The following SYTL2 variants were observed in gnomAD, a reference collection of about 807,000 sequenced individuals.
SYTL2 encodes synaptotagmin like 2, also known as synaptotagmin-like protein 2.
SYTL2 carries 165 observed loss-of-function variants against 198.7 expected under a neutral mutation model. The ratio of observed to expected loss-of-function variants is 0.83; its 90% CI spans 0.73 to 0.94. The LOEUF is 0.94. Ranked by LOEUF, SYTL2 falls within the 40% of genes least tolerant of loss-of-function variation. The probability of loss-of-function intolerance (pLI) is 0.00; values close to 1 mark genes in which losing one functional copy is unlikely to be tolerated. For missense variants in SYTL2, 2,835 were observed against 2,582.8 expected, an observed-to-expected ratio of 1.10 and a Z score of -2.12; for synonymous variants, 966 against 917.7, an observed-to-expected ratio of 1.05 and a Z score of -0.95.
At chr11:85,700,311 T>C (rs1185804348) in intron 17 of SYTL2, among the ~76,000 whole-genome samples, 3 of 120,846 alleles carry the variant, frequency 2.5e-5, no homozygotes, top group African/African-American at 1.1e-4. Context: ...GATGGTAGAT[T>C]TTATGTTTTC....
intron 1 of SYTL2, among the ~76,000 whole-genome samples, chr11:85,780,993 G>A (rs2153600703): frequency 6.6e-6 from 1 of 152,262 alleles, no homozygotes; most frequent in South Asian, 2.1e-4. Flanking sequence ...TATGTGTGGG[G>A]AAAACCCCTG....
chr11:85,813,200 C>T (rs1403230458), upstream of SYTL2, among the ~76,000 whole-genome samples: 2 of 152,084 alleles, frequency 1.3e-5, no homozygotes, highest in Non-Finnish European at 2.9e-5. Flanking sequence ...TCTTGTATGG[C>T]TCAGAGACTA....
intron 1 of SYTL2, among the ~76,000 whole-genome samples, chr11:85,759,946 T>C (rs1047876037): frequency 6.6e-6 from 1 of 152,170 alleles, no homozygotes; most frequent in East Asian, 1.9e-4. Flanking sequence ...CTTCATTTCC[T>C]CCCTGTAACA....
At position 85,790,002 on chromosome 11, in the gene SYTL2, T is replaced by C. The variant is rs543026931; in HGVS notation, c.-390+20952A>G. ...GGATTTTTGGATTTTTTTTCAGATT[T>C]TGGAATATTTGCATATATATAAGAT... On this transcript the variant is annotated intron_variant, in intron 1 of 19. Transcript: ENST00000359152. Among the ~76,000 whole-genome samples, 15 of 152,184 alleles carry C rather than the reference T, an allele frequency of 9.9e-5. No homozygotes were observed. The South Asian group carries it at 1.9e-3, about 19-fold the overall frequency.
At chr11:85,822,484 T>C in the SYTL2 span, among the ~76,000 whole-genome samples, 1 of 152,106 alleles carries the variant, frequency 6.6e-6, no homozygotes, top group Non-Finnish European at 1.5e-5. Flanking sequence ...TGTGGTCCTA[T>C]TCCAAATTAG....
the SYTL2 span, among the ~76,000 whole-genome samples, chr11:85,841,688 A>C: frequency 6.6e-6 from 1 of 152,184 alleles, no homozygotes; most frequent in African/African-American, 2.4e-5. Flanking sequence ...GGGTGGGAAG[A>C]GGGAGAGGAT....
chr11:85,775,313 C>T (rs2092433176), intron 1 of SYTL2, among the ~76,000 whole-genome samples: 2 of 152,114 alleles, frequency 1.3e-5, no homozygotes, highest in African/African-American at 4.8e-5. Context: ...CTATTAAGTC[C>T]TAAGACCTGG....
the SYTL2 span, among the ~76,000 whole-genome samples, chr11:85,827,690 C>G: frequency 3.3e-5 from 5 of 152,128 alleles, no homozygotes; most frequent in African/African-American, 1.2e-4. Context: ...AGCACACTTA[C>G]AGGAAGCTTG....
chr11:85,789,354 A>ATATATATATATATATATATATATG (rs1289318219), intron 1 of SYTL2, among the ~76,000 whole-genome samples: 1 of 57,216 alleles, frequency 1.7e-5, no homozygotes. Context: ...ATATATATAT[A>ATATATATATATATATATATATATG]TATATATATA....
At chr11:85,786,311 G>A (rs1263947109) in intron 1 of SYTL2, among the ~76,000 whole-genome samples, 2 of 152,260 alleles carry the variant, frequency 1.3e-5, no homozygotes, top group South Asian at 2.1e-4. Flanking sequence ...AAGAATCTGT[G>A]GTGGTGTAAC....
intron 1 of SYTL2, among the ~76,000 whole-genome samples, chr11:85,794,523 C>T (rs1037941651): frequency 2.6e-5 from 4 of 152,080 alleles, no homozygotes; most frequent in Non-Finnish European, 4.4e-5. Context: ...CAAAACCTCC[C>T]ACTTTCTCAA....
intron 1 of SYTL2, among the ~76,000 whole-genome samples, chr11:85,798,034 T>C (rs560578231): frequency 1.4e-5 from 2 of 146,108 alleles, no homozygotes; most frequent in South Asian, 4.4e-4. Context: ...TTTTTTTTCA[T>C]TTTCAATAGA....
intron 1 of SYTL2, among the ~76,000 whole-genome samples, chr11:85,772,270 A>G (rs993512523): frequency 6.6e-6 from 1 of 152,246 alleles, no homozygotes; most frequent in Non-Finnish European, 1.5e-5. Context: ...TTCATAGTAC[A>G]GTCTAGAAGA....
chr11:85,807,861 G>T (rs552215910), intron 1 of SYTL2, among the ~76,000 whole-genome samples: 1 of 152,026 alleles, frequency 6.6e-6, no homozygotes, highest in African/African-American at 2.4e-5. Context: ...CCTTCATGAT[G>T]CTTTTAATTA....
the SYTL2 span, among the ~76,000 whole-genome samples, chr11:85,846,480 G>A: frequency 6.6e-6 from 1 of 152,168 alleles, no homozygotes; most frequent in African/African-American, 2.4e-5. Context: ...CCAGGCTGGA[G>A]TACAATGGTG....
intron 1 of SYTL2, among the ~76,000 whole-genome samples, chr11:85,776,348 C>T (rs1161043854): frequency 6.6e-6 from 1 of 152,184 alleles, no homozygotes; most frequent in Admixed American, 6.5e-5. Context: ...TTGCTGCACC[C>T]ATCAACCCGT....
chr11:85,758,843 A>G (rs2091995258), intron 1 of SYTL2, among the ~76,000 whole-genome samples: 1 of 152,234 alleles, frequency 6.6e-6, no homozygotes, highest in Non-Finnish European at 1.5e-5. Context: ...GAAGGAAGTG[A>G]GAAGTGAAGA....
In SYTL2 at chr11:85,696,314, A is replaced by T; in HGVS notation, c.6443T>A (p.Phe2148Tyr). The change falls in exon 19 of 20, where the codon TTC (phenylalanine) becomes TAC (tyrosine). Residue 2148 changes from phenylalanine to tyrosine, a missense_variant. Transcript: ENST00000359152. Reference sequence around the variant, plus strand: ...CCCATCATACACCATAGTGTGGTTGAAGATAGGGTTGGTGGTTTTCCCTAC... The same window carrying T: ...CCCATCATACACCATAGTGTGGTTGTAGATAGGGTTGGTGGTTTTCCCTAC... Reference protein sequence around the residue: ...RAVGKTTNPIFNHTMVYDGFR... With the variant: ...RAVGKTTNPIYNHTMVYDGFR... 1 of 1,614,046 alleles carries T rather than the reference A, an allele frequency of 6.2e-7. No homozygotes were observed. Among genetic ancestry groups the T allele is most frequent in the South Asian group, 1.1e-5 (1 of 91,064 alleles).
chr11:85,711,195 C>G lies in SYTL2; in HGVS notation c.5663G>C (p.Ser1888Thr), dbSNP rs2086215654. 2 of 1,614,072 alleles carry G rather than the reference C, an allele frequency of 1.2e-6. No individual in the cohort carries two copies. The highest frequency in any genetic ancestry group is 1.7e-6 in the Non-Finnish European group (2 of 1,179,916). The change falls in exon 13 of 20, where the codon AGT becomes ACT. Residue 1888 changes from serine to threonine, a missense_variant. By Grantham distance (58) the Ser-to-Thr change is moderately conservative (BLOSUM62 1). Coordinates refer to ENST00000359152, the MANE Select transcript of SYTL2 (RefSeq NM_206927.4). ...CTTCTTGTGTCTGCTGAGCTGGTAA[C>G]TGCTTTCTGATGCTGTATCTGTTTC... is the stretch of plus-strand genomic sequence containing the variant. ...DRETDTASES[S>T]YQLSRHKKSP...
Sources: gnomAD v4.1 joint callset for allele counts (sites outside exome capture counted in the v4.1 genomes callset) on GRCh38, gnomAD v4.1.1 for gene constraint, MANE v1.5 for transcripts, NCBI Gene and HGNC (gene_info 2026-07-23, HGNC 2026-07-21) for gene names.